The following IL6ST variants were observed in gnomAD, a reference collection of about 807,000 sequenced individuals.
IL6ST encodes interleukin-6 receptor subunit beta.
A neutral mutation model predicts 91.3 loss-of-function variants in IL6ST; 24 were observed. The ratio of observed to expected loss-of-function variants is 0.26; its 90% CI spans 0.19 to 0.37. The LOEUF (loss-of-function observed/expected upper bound fraction) is 0.37, where lower values mean the gene tolerates loss of function less well. Ranked by LOEUF, IL6ST falls within the 10% of genes least tolerant of loss-of-function variation. IL6ST has a pLI of 1.00. For synonymous variants in IL6ST, 351 were observed against 373.6 expected (o/e 0.94, Z 0.70); for missense variants, 914 against 1,078.5 (o/e 0.85, Z 2.14).
chr5:55,974,111 T>C (rs888097449), intron 3 of IL6ST, among the ~76,000 whole-genome samples: 11 of 152,310 alleles, frequency 7.2e-5, no homozygotes, highest in African/African-American at 2.2e-4. Flanking sequence ...AGCTACCACA[T>C]AGTTACGTAA....
At chr5:55,944,596 A>G (rs1269972989) in intron 15 of IL6ST, 3 of 601,516 alleles carry the variant, frequency 5.0e-6, no homozygotes, top group Admixed American at 2.2e-5. Flanking sequence ...AAGACTCAGT[A>G]GCGTTAAGAC....
intron 8 of IL6ST, chr5:55,959,696 G>T (rs771206017): frequency 8.3e-7 from 1 of 1,207,000 alleles, no homozygotes; most frequent in South Asian, 1.3e-5. Flanking sequence ...ATGAATAAAA[G>T]GTATAATACA....
intron 8 of IL6ST, among the ~76,000 whole-genome samples, chr5:55,960,012 A>T (rs1002765540): frequency 6.6e-6 from 1 of 151,892 alleles, no homozygotes; most frequent in African/African-American, 2.4e-5. Flanking sequence ...CAGCCTCCCG[A>T]GTAGCTGGGA....
At chr5:55,954,766 G>GTT (rs762966133) in intron 11 of IL6ST, 44 bp downstream of exon 11, 2 of 1,454,812 alleles carry the variant, frequency 1.4e-6, no homozygotes, top group South Asian at 2.6e-5. Context: ...TGCCTAAAGA[G>GTT]TTAGAAAAAG....
chr5:55,988,871 G>A (rs936431521), intron 1 of IL6ST, among the ~76,000 whole-genome samples: 1 of 151,804 alleles, frequency 6.6e-6, no homozygotes, highest in Non-Finnish European at 1.5e-5. Flanking sequence ...AGCACTTTGG[G>A]AGGCCGAGGT....
chr5:55,946,294 T>C (rs185146996), intron 15 of IL6ST, among the ~76,000 whole-genome samples: 70 of 152,318 alleles, frequency 4.6e-4, no homozygotes, highest in Non-Finnish European at 8.8e-4. Flanking sequence ...CTGAAAAAGT[T>C]TGGCAGTTTC....
At position 55,988,877 on chromosome 5, in the gene IL6ST, G is replaced by A. The variant is rs965433542; in HGVS notation, c.-104+5907C>T. ...TGTAATCCCAGCACTTTGGGAGGCC[G>A]AGGTAGGTAGATTGCTTGAGCCCAG... On this transcript the variant is annotated intron_variant, in intron 1 of 16. Transcript: ENST00000381298. Among the ~76,000 whole-genome samples, 10 of 151,626 alleles carry A rather than the reference G, an allele frequency of 6.6e-5. No individual in the cohort carries two copies. In the South Asian group the frequency reaches 1.9e-3, roughly 28 times the overall value.
chr5:55,993,231 C>T (rs1392417418), intron 1 of IL6ST, among the ~76,000 whole-genome samples: 1 of 152,160 alleles, frequency 6.6e-6, no homozygotes, highest in Non-Finnish European at 1.5e-5. Flanking sequence ...GTTCCCAAAC[C>T]AAATTGTGGC....
rs1194571736 is a variant in IL6ST at position 55,951,448 on chromosome 5, CTTCA to C, written c.1840+12_1840+15del. The C allele has an allele frequency of 6.3e-7, 1 of 1,596,770 alleles. No individual in the cohort carries two copies. Among genetic ancestry groups the C allele is most frequent in the Non-Finnish European group, 8.5e-7 (1 of 1,172,134 alleles). ...AGTTTGAGAAAGAAAAAAAACCAAA[CTTCA>C]TTATTTCTTACCAAACTTTGGGGTA... is the stretch of plus-strand genomic sequence containing the variant. On this transcript the variant is annotated intron_variant, in intron 14 of 16. Coordinates refer to ENST00000381298, the MANE Select transcript of IL6ST (RefSeq NM_002184.4).
chr5:55,994,016 A>T (rs990739447), intron 1 of IL6ST: 1 of 150,456 alleles, frequency 6.6e-6, no homozygotes, highest in Non-Finnish European at 1.5e-5. Flanking sequence ...AATACTTCAC[A>T]AACTAAGCCA....
At chr5:55,985,588 T>C (rs376677930) in intron 1 of IL6ST, among the ~76,000 whole-genome samples, 5 of 152,258 alleles carry the variant, frequency 3.3e-5, no homozygotes, top group African/African-American at 1.2e-4. Flanking sequence ...TTTATAGTTT[T>C]AGGGTCATTT....
At position 55,936,339 on chromosome 5, in the gene IL6ST, A is replaced by AT. The variant is rs2112637953; in HGVS notation, c.*4742_*4743insA. On this transcript the variant is annotated 3_prime_UTR_variant, in exon 17 of 17. Transcript: ENST00000381298. ...ATACTTGGGCTCTTGACAACCAAGT[A>AT]GGTTTTTTTTTTTTTTTTTTTTTTT... The AT allele has an allele frequency of 6.1e-6, 1 of 163,890 alleles. No homozygotes were observed. Among genetic ancestry groups the AT allele is most frequent in the Non-Finnish European group, 1.2e-5 (1 of 81,696 alleles). 10.2% of individuals were successfully genotyped at this position (163,890 alleles called of 1,614,324 possible). A position where few individuals can be genotyped will look rare whatever the true frequency, so the allele number is the denominator to read the frequency against.
In IL6ST at chr5:55,957,280, C is replaced by T; in HGVS notation, c.985G>A (p.Ala329Thr). 1 of 1,537,734 alleles carries T rather than the reference C, an allele frequency of 6.5e-7. No individual in the cohort carries two copies. The highest frequency in any genetic ancestry group is 8.9e-7 in the Non-Finnish European group (1 of 1,127,778). Residue 329 changes from alanine (A) to threonine (T), a missense_variant, in exon 9 of 17, where the codon GCA becomes ACA. Coordinates refer to ENST00000381298, the MANE Select transcript of IL6ST (RefSeq NM_002184.4). ...GITYEDRPSK[A>T]PSFWYKIDPS... ...TCTATTTTATACCAGAAACTTGGTG[C>T]TTTAGATGGTCCTAAAGAAAAGACA...
intron 1 of IL6ST, among the ~76,000 whole-genome samples, chr5:55,986,551 A>G (rs1459770112): frequency 6.6e-6 from 1 of 152,180 alleles, no homozygotes; most frequent in Admixed American, 6.5e-5. Context: ...TGTTCAGACC[A>G]TTTACATTTA....
intron 4 of IL6ST, 71 bp from the exon 5 acceptor site, chr5:55,968,467 C>A: frequency 7.1e-7 from 1 of 1,406,168 alleles, no homozygotes; most frequent in Non-Finnish European, 9.8e-7. Context: ...ATATACTACC[C>A]AAGGCATTTG....
chr5:55,970,044 T>C (rs1206312964), intron 3 of IL6ST, among the ~76,000 whole-genome samples, 189 bp from the exon 4 acceptor site: 2 of 152,154 alleles, frequency 1.3e-5, no homozygotes, highest in Admixed American at 6.5e-5. Flanking sequence ...TAAAGAAATA[T>C]ACAAATTATA....
chr5:55,956,369 A>AT (rs1751975475), intron 9 of IL6ST, 134 bp from the exon 10 acceptor site: 1 of 615,448 alleles, frequency 1.6e-6, no homozygotes, highest in Admixed American at 3.0e-5. Flanking sequence ...CACAATCTCC[A>AT]TTTTAAATTT....
chr5:55,936,161 T>C lies in IL6ST; in HGVS notation c.*4921A>G. On this transcript the variant is annotated 3_prime_UTR_variant, in exon 17 of 17. Coordinates refer to ENST00000381298, the MANE Select transcript of IL6ST (RefSeq NM_002184.4). ...TTTCCTTCCAGGTGGACTTGCTGAC[T>C]GATTAGTTTCATATACTACTTAGTA... 4.4e-6 allele frequency: 1 copy of C among 227,086 alleles called. No homozygotes were observed. Among genetic ancestry groups the C allele is most frequent in the Non-Finnish European group, 8.8e-6 (1 of 114,210 alleles). 14.1% of individuals were successfully genotyped at this position (227,086 alleles called of 1,614,324 possible).
intron 1 of IL6ST, among the ~76,000 whole-genome samples, chr5:55,989,914 A>G (rs1226227207): frequency 6.6e-6 from 1 of 152,076 alleles, no homozygotes; most frequent in Non-Finnish European, 1.5e-5. Flanking sequence ...AACCAGAGCT[A>G]TGCTATCTGA....
Sources: gnomAD v4.1 joint callset for allele counts (sites outside exome capture counted in the v4.1 genomes callset) on GRCh38, gnomAD v4.1.1 for gene constraint, MANE v1.5 for transcripts, NCBI Gene and HGNC (gene_info 2026-07-23, HGNC 2026-07-21) for gene names.